Variants in PPARGC1A observed in about 807,000 individuals in gnomAD.
The protein encoded by PPARGC1A is peroxisome proliferator-activated receptor gamma coactivator 1-alpha.
A neutral mutation model predicts 88.7 loss-of-function variants in PPARGC1A; 25 were observed. The observed-to-expected ratio is 0.28, with a 90% confidence interval of 0.21 to 0.39. The LOEUF (loss-of-function observed/expected upper bound fraction) is 0.39. PPARGC1A is among the 10% of genes least tolerant of loss of function. The pLI is 1.00. For synonymous variants in PPARGC1A, 363 were observed against 355.6 expected (o/e 1.02, Z -0.24); for missense variants, 880 against 968.7 (o/e 0.91, Z 1.22).
chr4:24,185,399 TAAAAG>T, the PPARGC1A span, among the ~76,000 whole-genome samples: 1 of 152,168 alleles, frequency 6.6e-6, no homozygotes, highest in Non-Finnish European at 1.5e-5. Flanking sequence ...GGAATTTTCC[TAAAAG>T]AAAAGAAAAA....
At chr4:24,266,502 A>T in the PPARGC1A span, among the ~76,000 whole-genome samples, 1 of 152,176 alleles carries the variant, frequency 6.6e-6, no homozygotes, top group Non-Finnish European at 1.5e-5. Context: ...TCTTGTGAAT[A>T]CCATGAGTCT....
chr4:23,964,192 G>C, the PPARGC1A span, among the ~76,000 whole-genome samples: 1 of 152,186 alleles, frequency 6.6e-6, no homozygotes, highest in Non-Finnish European at 1.5e-5. Context: ...CCAAGAGGTA[G>C]ATAACTATAT....
At chr4:24,314,206 G>C in the PPARGC1A span, among the ~76,000 whole-genome samples, 1 of 152,188 alleles carries the variant, frequency 6.6e-6, no homozygotes, top group African/African-American at 2.4e-5. Flanking sequence ...GGAACGGACT[G>C]AGCATTTCAC....
chr4:24,216,458 C>T, the PPARGC1A span, among the ~76,000 whole-genome samples: 1 of 152,166 alleles, frequency 6.6e-6, no homozygotes, highest in African/African-American at 2.4e-5. Flanking sequence ...CATTTTGCAG[C>T]TAACTTCTTA....
upstream of PPARGC1A, chr4:23,890,273 C>A (rs1577673234): frequency 1.6e-5 from 5 of 306,624 alleles, no homozygotes; most frequent in East Asian, 3.3e-4. Flanking sequence ...AACACTTAGA[C>A]TTTTGGAGGC....
At chr4:24,250,809 C>T in the PPARGC1A span, among the ~76,000 whole-genome samples, 4 of 152,292 alleles carry the variant, frequency 2.6e-5, no homozygotes, top group African/African-American at 9.6e-5. Context: ...TTCTGTAAGC[C>T]TCCTACCCTA....
chr4:24,411,678 C>T, the PPARGC1A span, among the ~76,000 whole-genome samples: 1 of 152,200 alleles, frequency 6.6e-6, no homozygotes, highest in Admixed American at 6.5e-5. Context: ...CTTCATCTCT[C>T]CCTCCCCAGT....
the PPARGC1A span, among the ~76,000 whole-genome samples, chr4:23,956,034 CTATT>C: frequency 1.3e-5 from 2 of 152,052 alleles, no homozygotes; most frequent in African/African-American, 2.4e-5. Context: ...TCCAATAAAA[CTATT>C]TATGGACACC....
chr4:23,922,919 G>A, the PPARGC1A span, among the ~76,000 whole-genome samples: 42 of 152,246 alleles, frequency 2.8e-4, no homozygotes, highest in African/African-American at 9.4e-4. Context: ...CTGCAATGGG[G>A]CAAGGTTCAA....
chr4:24,305,776 C>T, the PPARGC1A span, among the ~76,000 whole-genome samples: 1 of 152,176 alleles, frequency 6.6e-6, no homozygotes, highest in African/African-American at 2.4e-5. Context: ...CATGCCACTG[C>T]ACTCCAGCCT....
At chr4:23,947,939 G>C in the PPARGC1A span, among the ~76,000 whole-genome samples, 1 of 152,086 alleles carries the variant, frequency 6.6e-6, no homozygotes, top group African/African-American at 2.4e-5. Flanking sequence ...AACCAAGTGG[G>C]GACATGAAAG....
the PPARGC1A span, among the ~76,000 whole-genome samples, chr4:24,390,698 G>A: frequency 1.5e-4 from 22 of 151,724 alleles, no homozygotes; most frequent in African/African-American, 4.1e-4. Context: ...ATATTATATC[G>A]GGAGCATTTC....
At chr4:24,094,890 T>C in the PPARGC1A span, among the ~76,000 whole-genome samples, 1 of 152,180 alleles carries the variant, frequency 6.6e-6, no homozygotes, top group Non-Finnish European at 1.5e-5. Context: ...GGAAAGTATG[T>C]ATAATGACTC....
chr4:23,942,046 TAC>T, the PPARGC1A span, among the ~76,000 whole-genome samples: 1 of 151,834 alleles, frequency 6.6e-6, no homozygotes, highest in African/African-American at 2.4e-5. Flanking sequence ...TATGGGCAGA[TAC>T]AGTCTTTTCA....
At chr4:24,120,327 C>G in the PPARGC1A span, among the ~76,000 whole-genome samples, 62 of 152,230 alleles carry the variant, frequency 4.1e-4, no homozygotes, top group African/African-American at 1.4e-3. Context: ...AGGGATGTGG[C>G]TAGAGATGGT....
chr4:24,192,767 T>C, the PPARGC1A span, among the ~76,000 whole-genome samples: 1 of 152,172 alleles, frequency 6.6e-6, no homozygotes, highest in South Asian at 2.1e-4. Flanking sequence ...AGCATGTACT[T>C]TTTGCTGTAT....
intron 2 of PPARGC1A, among the ~76,000 whole-genome samples, chr4:23,861,607 A>G (rs983578327): frequency 6.6e-6 from 1 of 152,174 alleles, no homozygotes; most frequent in Non-Finnish European, 1.5e-5. Context: ...CTGAGCTCCT[A>G]TTATGTGCAA....
At chr4:23,804,156 G>A (rs1719310675) in intron 10 of PPARGC1A, among the ~76,000 whole-genome samples, 1 of 152,116 alleles carries the variant, frequency 6.6e-6, no homozygotes, top group African/African-American at 2.4e-5. Context: ...TGTGCCTGAG[G>A]AACCTCACAC....
chr4:23,834,542 G>C (rs1234147551), intron 2 of PPARGC1A, among the ~76,000 whole-genome samples: 3 of 151,648 alleles, frequency 2.0e-5, no homozygotes, highest in African/African-American at 4.8e-5. Flanking sequence ...TAATCAGAAG[G>C]GGTAACTGTT....
Sources: allele counts gnomAD v4.1 joint callset (sites outside exome capture counted in the v4.1 genomes callset), GRCh38; gene constraint gnomAD v4.1.1; transcripts MANE v1.5; gene names NCBI Gene and HGNC (gene_info 2026-07-23, HGNC 2026-07-21).